SPATS2L: variants seen among roughly 807,000 people sequenced by gnomAD.
SPATS2L encodes SPATS2-like protein.
Under a neutral mutation model 59.6 loss-of-function variants are expected in SPATS2L, and 30 were observed. The ratio of observed to expected loss-of-function variants is 0.50; its 90% CI spans 0.38 to 0.68. SPATS2L has a LOEUF of 0.68. Among genes scored for constraint, SPATS2L ranks in the 30% least tolerant of loss-of-function variants. The probability of loss-of-function intolerance (pLI) is 0.00; values close to 1 mark genes in which losing one functional copy is unlikely to be tolerated. For synonymous variants in SPATS2L, 252 were observed against 263.5 expected (o/e 0.96, Z 0.42); for missense variants, 615 against 700.0 (o/e 0.88, Z 1.37).
intron 2 of SPATS2L, chr2:200,383,761 GT>G (rs1250499558): frequency 2.5e-6 from 1 of 392,402 alleles, no homozygotes; most frequent in Non-Finnish European, 3.6e-6. Flanking sequence ...TGATTTCTAT[GT>G]TTTTACAAAT....
chr2:200,316,312 G>C, intron 1 of SPATS2L, among the ~76,000 whole-genome samples: 1 of 152,168 alleles, frequency 6.6e-6, no homozygotes. Flanking sequence ...TTTCAACCTG[G>C]GCGGCTGTTT....
chr2:200,383,088 C>T (rs2081877926), intron 2 of SPATS2L, among the ~76,000 whole-genome samples: 1 of 152,176 alleles, frequency 6.6e-6, no homozygotes, highest in Admixed American at 6.5e-5. Flanking sequence ...TGTGCTGCCC[C>T]TGCCCTCCAG....
At chr2:200,440,410 G>A (rs543703741) in intron 7 of SPATS2L, among the ~76,000 whole-genome samples, 2 of 152,182 alleles carry the variant, frequency 1.3e-5, no homozygotes, top group Non-Finnish European at 2.9e-5. Flanking sequence ...CTTCCAAAGA[G>A]TGCAGGAGAC....
intron 3 of SPATS2L, among the ~76,000 whole-genome samples, chr2:200,405,798 T>A (rs2082669301): frequency 6.6e-6 from 1 of 152,182 alleles, no homozygotes; most frequent in African/African-American, 2.4e-5. Context: ...GCTGGCTGCT[T>A]GATTGCTGTC....
At position 200,481,485 on chromosome 2, in the gene SPATS2L, T is replaced by G. The variant is rs1273142564; in HGVS notation, c.*3454T>G. 6.6e-6 allele frequency: 1 copy of G among 152,228 alleles called. No individual in the cohort carries two copies. Among genetic ancestry groups the G allele is most frequent in the Admixed American group, 6.5e-5 (1 of 15,288 alleles). 9.4% of individuals were successfully genotyped at this position (152,228 alleles called of 1,614,324 possible). A position where few individuals can be genotyped will look rare whatever the true frequency, so the allele number is the denominator to read the frequency against. On this transcript the variant is annotated 3_prime_UTR_variant, in exon 13 of 13. Coordinates refer to ENST00000409140, the MANE Select transcript of SPATS2L (RefSeq NM_001100423.2). ...CTCCCCACCCCGACGCAGGCACAGG[T>G]CCGCAACCAGATAGGGAGATGCCTG...
chr2:200,348,509 G>C lies in SPATS2L; in HGVS notation c.-23+19029G>C, dbSNP rs533795092. 5.3e-5 allele frequency among the ~76,000 whole-genome samples: 8 copies of C among 152,340 alleles called. No individual in the cohort carries two copies. In the South Asian group the frequency reaches 1.7e-3, roughly 32 times the overall value. ...TAAAGCCACGGGACACGTCATTGGA[G>C]AGCAGACTGTGGGAAGTCTTCCTGC... On this transcript the variant is annotated intron_variant, in intron 2 of 12. Coordinates refer to ENST00000409140, the MANE Select transcript of SPATS2L (RefSeq NM_001100423.2).
intron 9 of SPATS2L, among the ~76,000 whole-genome samples, chr2:200,465,088 CAAAG>C (rs1264513840): frequency 6.6e-6 from 1 of 152,202 alleles, no homozygotes; most frequent in Non-Finnish European, 1.5e-5. Flanking sequence ...GCCATGGACA[CAAAG>C]AACTACATAG....
At chr2:200,383,850 T>C in intron 2 of SPATS2L, 1 of 994,204 alleles carries the variant, frequency 1.0e-6, no homozygotes, top group Non-Finnish European at 1.2e-6. Context: ...ATATTTCCTA[T>C]GGTTTCTTAA....
At chr2:200,415,987 A>T (rs888307307) in intron 4 of SPATS2L, among the ~76,000 whole-genome samples, 2 of 152,220 alleles carry the variant, frequency 1.3e-5, no homozygotes, top group Non-Finnish European at 1.5e-5. Context: ...ATTGTTAATA[A>T]TATTCAGAAT....
chr2:200,384,446 C>T (rs1269466596), intron 2 of SPATS2L, among the ~76,000 whole-genome samples: 7 of 152,120 alleles, frequency 4.6e-5, no homozygotes, highest in African/African-American at 7.2e-5. Context: ...CTCTGCCTCC[C>T]GGATTCATGC....
chr2:200,367,852 A>G (rs2081311401), intron 2 of SPATS2L, among the ~76,000 whole-genome samples: 1 of 152,212 alleles, frequency 6.6e-6, no homozygotes, highest in South Asian at 2.1e-4. Flanking sequence ...GATTCAGATA[A>G]ATGGTTCCTA....
intron 2 of SPATS2L, among the ~76,000 whole-genome samples, chr2:200,332,118 A>C (rs2079962904): frequency 6.6e-6 from 1 of 151,790 alleles, no homozygotes; most frequent in Non-Finnish European, 1.5e-5. Flanking sequence ...CATTAAGAGG[A>C]AAAATTTTAT....
intron 1 of SPATS2L, among the ~76,000 whole-genome samples, chr2:200,311,650 G>A (rs2079195181): frequency 6.6e-6 from 1 of 152,226 alleles, no homozygotes; most frequent in African/African-American, 2.4e-5. Context: ...AGGGTGAAAG[G>A]TGATGTAGGG....
chr2:200,363,443 C>G (rs935248761), intron 2 of SPATS2L, among the ~76,000 whole-genome samples: 2 of 152,196 alleles, frequency 1.3e-5, no homozygotes, highest in African/African-American at 4.8e-5. Flanking sequence ...CAAGACCAAC[C>G]TGGATTTTGA....
chr2:200,372,584 C>T (rs769176412), intron 2 of SPATS2L, among the ~76,000 whole-genome samples: 6 of 152,110 alleles, frequency 3.9e-5, no homozygotes, highest in Admixed American at 1.3e-4. Context: ...TTTACATCTA[C>T]GATTCTAATT....
intron 3 of SPATS2L, among the ~76,000 whole-genome samples, chr2:200,394,738 A>G (rs1206392650): frequency 6.6e-6 from 1 of 152,196 alleles, no homozygotes; most frequent in Non-Finnish European, 1.5e-5. Flanking sequence ...TCTTTTTGCT[A>G]TTAAATAAAG....
At chr2:200,473,310 G>C (rs1281512911) in intron 12 of SPATS2L, among the ~76,000 whole-genome samples, 1 of 152,104 alleles carries the variant, frequency 6.6e-6, no homozygotes, top group Non-Finnish European at 1.5e-5. Flanking sequence ...CACGTGAGCA[G>C]AGTCCACCCC....
chr2:200,465,422 G>A (rs190089839), intron 9 of SPATS2L, among the ~76,000 whole-genome samples: 1 of 152,360 alleles, frequency 6.6e-6, no homozygotes, highest in Admixed American at 6.5e-5. Flanking sequence ...GGCTGAAAAT[G>A]AGAGTGAGCC....
intron 3 of SPATS2L, among the ~76,000 whole-genome samples, chr2:200,391,620 A>G (rs1418088186): frequency 5.3e-5 from 8 of 152,188 alleles, no homozygotes; most frequent in Non-Finnish European, 1.0e-4. Flanking sequence ...TTGATCTTAC[A>G]TGTTTTAAAA....
Sources: allele counts gnomAD v4.1 joint callset (sites outside exome capture counted in the v4.1 genomes callset), GRCh38; gene constraint gnomAD v4.1.1; transcripts MANE v1.5; gene names NCBI Gene and HGNC (gene_info 2026-07-23, HGNC 2026-07-21).